The following CYP4B1 variants were observed in gnomAD, a reference collection of about 807,000 sequenced individuals.
CYP4B1 encodes the protein cytochrome P450 family 4 subfamily B member 1.
CYP4B1 carries 45 observed loss-of-function variants against 54.0 expected under a neutral mutation model. The observed-to-expected ratio is 0.83, with a 90% confidence interval of 0.66 to 1.07. The LOEUF is 1.07. Ranked by LOEUF, CYP4B1 falls within the 50% of genes least tolerant of loss-of-function variation. The pLI is 0.00. For missense variants in CYP4B1, 656 were observed against 655.4 expected (o/e 1.00, Z -0.01); for synonymous variants, 248 against 247.5 (o/e 1.00, Z -0.02).
intron 1 of CYP4B1, among the ~76,000 whole-genome samples, chr1:46,806,017 GAGACCC>G (rs1172636048): frequency 1.3e-5 from 2 of 152,236 alleles, no homozygotes; most frequent in African/African-American, 2.4e-5. Context: ...GTCCCAGAGG[GAGACCC>G]ATGGGGAAGG....
chr1:46,810,757 G>A, intron 1 of CYP4B1, 51 bp from the exon 2 acceptor site: 2 of 1,609,402 alleles, frequency 1.2e-6, no homozygotes, highest in Non-Finnish European at 1.7e-6. Flanking sequence ...TTGGGGCCTA[G>A]CTGGTGACAA....
intron 5 of CYP4B1, 32 bp from the exon 6 acceptor site, chr1:46,813,877 T>G: frequency 6.2e-7 from 1 of 1,609,170 alleles, no homozygotes; most frequent in Admixed American, 1.7e-5. Context: ...GGCCAGTGTC[T>G]AAGCCAATCC....
chr1:46,801,982 A>T (rs1271793321), intron 1 of CYP4B1, among the ~76,000 whole-genome samples: 1 of 152,184 alleles, frequency 6.6e-6, no homozygotes, highest in Non-Finnish European at 1.5e-5. Context: ...GTCTCTGATT[A>T]CAGTCTGGAG....
At chr1:46,815,567 C>T (rs767208917) in intron 8 of CYP4B1, among the ~76,000 whole-genome samples, 18 of 152,240 alleles carry the variant, frequency 1.2e-4, no homozygotes, top group Non-Finnish European at 2.4e-4. Flanking sequence ...CCTTCTGGGT[C>T]CCTGGATAGA....
intron 1 of CYP4B1, among the ~76,000 whole-genome samples, chr1:46,805,581 T>C (rs954805847): frequency 2.0e-5 from 3 of 152,230 alleles, no homozygotes; most frequent in Admixed American, 2.0e-4. Context: ...GTCACCAGCA[T>C]GGGAGGAAGT....
intron 3 of CYP4B1, among the ~76,000 whole-genome samples, chr1:46,811,776 T>C (rs570111644): frequency 6.6e-6 from 1 of 152,326 alleles, no homozygotes; most frequent in African/African-American, 2.4e-5. Context: ...CAAGGCCATA[T>C]GCTTCTCCAA....
chr1:46,818,773 C>T lies in CYP4B1; in HGVS notation c.1498C>T (p.His500Tyr). The change falls in exon 12 of 12, where the codon CAC becomes TAC. Residue 500 changes from histidine (H) to tyrosine (Y), a missense_variant. Coordinates refer to ENST00000371923, the MANE Select transcript of CYP4B1 (RefSeq NM_001099772.2). ...QLVLRSKNGF[H>Y]LHLKPLGPGS... Reference sequence around the variant, plus strand: ...TGTCCTGCGCTCCAAGAATGGCTTTCACCTCCACCTGAAGCCACTGGGCCC... The same window carrying T: ...TGTCCTGCGCTCCAAGAATGGCTTTTACCTCCACCTGAAGCCACTGGGCCC... 2 of 1,614,114 alleles carry T rather than the reference C, an allele frequency of 1.2e-6. No homozygotes were observed. Among genetic ancestry groups the T allele is most frequent in the South Asian group, 1.1e-5 (1 of 91,078 alleles).
chr1:46,818,951 T>C lies in CYP4B1; in HGVS notation c.*137T>C, dbSNP rs919609860. 2.3e-5 allele frequency: 16 copies of C among 689,038 alleles called. No individual in the cohort carries two copies. The African/African-American group carries it at 2.5e-4, about 11-fold the overall frequency. The allele number at this position is 689,038 out of a possible 1,614,324, so 42.7% of individuals were successfully genotyped here. On this transcript the variant is annotated 3_prime_UTR_variant, in exon 12 of 12. Transcript: ENST00000371923. The stretch of plus-strand genomic sequence containing the variant: ...TTTAGAAGGGAAGTAGGCATTACCA[T>C]AGACGACTCCTAGAGGACAGTGCTA...
chr1:46,818,847 G>C lies in CYP4B1; in HGVS notation c.*33G>C, dbSNP rs747130576. On this transcript the variant is annotated 3_prime_UTR_variant, in exon 12 of 12. Transcript: ENST00000371923. ...GAGAATGGGGTCCCAGATGGCTCAG[G>C]CTGTGACCTCCCTGGGCACCACCCT... The C allele has an allele frequency of 6.2e-7, 1 of 1,607,480 alleles. No individual in the cohort carries two copies. Among genetic ancestry groups the C allele is most frequent in the African/African-American group, 1.3e-5 (1 of 74,912 alleles).
chr1:46,810,434 C>A (rs1243625062), intron 1 of CYP4B1, among the ~76,000 whole-genome samples: 7 of 152,266 alleles, frequency 4.6e-5, no homozygotes, highest in African/African-American at 1.7e-4. Flanking sequence ...GGAATTGAGG[C>A]CATTTCTCTA....
rs1223551960 is a variant in CYP4B1, at chr1:46,819,410, C to T, written c.*596C>T. The T allele has an allele frequency of 6.6e-6, 1 of 152,288 alleles. No homozygotes were observed. The highest frequency in any genetic ancestry group is 1.9e-4 in the East Asian group (1 of 5,194). 9.4% of individuals were successfully genotyped at this position (152,288 alleles called of 1,614,324 possible). A position where few individuals can be genotyped will look rare whatever the true frequency, so the allele number is the denominator to read the frequency against. On this transcript the variant is annotated 3_prime_UTR_variant, in exon 12 of 12. Coordinates refer to ENST00000371923, the MANE Select transcript of CYP4B1 (RefSeq NM_001099772.2). ...GAATATGGTATCACTGATGTGTCTT[C>T]TGCTCCTCCTGAGATGGGTCTCTGT...
chr1:46,807,060 T>C (rs1678889810), intron 1 of CYP4B1, among the ~76,000 whole-genome samples: 1 of 152,246 alleles, frequency 6.6e-6, no homozygotes, highest in Non-Finnish European at 1.5e-5. Flanking sequence ...TGGCAGGTGC[T>C]TCTAGTTCTC....
chr1:46,807,741 G>A (rs188705495), intron 1 of CYP4B1, among the ~76,000 whole-genome samples: 5 of 152,286 alleles, frequency 3.3e-5, no homozygotes, highest in East Asian at 1.9e-4. Context: ...GATTACAGAC[G>A]ACTCCACAGA....
chr1:46,819,346 C>G lies in CYP4B1; in HGVS notation c.*532C>G, dbSNP rs1679467111. ...TACAAAATAATAAATAATTCTGAAG[C>G]AGACTCTCTTGTAACCATCACTGAA... is the stretch of plus-strand genomic sequence containing the variant. On this transcript the variant is annotated 3_prime_UTR_variant, in exon 12 of 12. Transcript: ENST00000371923. The G allele has an allele frequency of 6.6e-6, 1 of 152,644 alleles. No homozygotes were observed. Among genetic ancestry groups the G allele is most frequent in the Non-Finnish European group, 1.5e-5 (1 of 68,404 alleles). The allele number at this position is 152,644 out of a possible 1,614,324, so 9.5% of individuals were successfully genotyped here.
At chr1:46,808,133 G>C (rs1678933586) in intron 1 of CYP4B1, among the ~76,000 whole-genome samples, 1 of 152,024 alleles carries the variant, frequency 6.6e-6, no homozygotes, top group Admixed American at 6.6e-5. Flanking sequence ...AGGAGAAAGA[G>C]AGAGAGAGAG....
Position 46,812,501 on chromosome 1 carries a change from G to A in CYP4B1, c.373G>A (p.Gly125Ser). Residue 125 changes from glycine (G) to serine (S), a missense_variant, in exon 4 of 12, where the codon GGC becomes AGC. Coordinates refer to ENST00000371923, the MANE Select transcript of CYP4B1 (RefSeq NM_001099772.2). Reference sequence around the variant, plus strand: ...CTCTCCCATCCCTTCCCCAGGGAGAGGCCTGCTGGTTCTTGAGGGGCCCAA... The same window carrying A: ...CTCTCCCATCCCTTCCCCAGGGAGAAGCCTGCTGGTTCTTGAGGGGCCCAA... Reference protein sequence around the residue: ...YDFFLQWIGRGLLVLEGPKWL... With the variant: ...YDFFLQWIGRSLLVLEGPKWL... The A allele has an allele frequency of 6.2e-7, 1 of 1,612,828 alleles. No homozygotes were observed. Among genetic ancestry groups the A allele is most frequent in the Non-Finnish European group, 8.5e-7 (1 of 1,179,402 alleles).
chr1:46,815,211 TC>T lies in CYP4B1; in HGVS notation c.1021del (p.Arg341ValfsTer10), dbSNP rs1193432334. ...TGGCCCTGTACCCTGAGCACCAGCA[TC>T]GTTGTAGAGAGGAGGTCCGCGAGAT... Reference protein sequence around the residue: ...CMALYPEHQHRCREEVREILG... With the variant: ...CMALYPEHQHXCREEVREILG... On this transcript the variant is annotated frameshift_variant, in exon 8 of 12. Coordinates refer to ENST00000371923, the MANE Select transcript of CYP4B1 (RefSeq NM_001099772.2). LOFTEE classifies it high-confidence loss of function. The T allele has an allele frequency of 6.2e-7, 1 of 1,605,256 alleles. No homozygotes were observed. The highest frequency in any genetic ancestry group is 8.5e-7 in the Non-Finnish European group (1 of 1,175,260).
At chr1:46,801,413 A>C (rs1678657080) in intron 1 of CYP4B1, among the ~76,000 whole-genome samples, 1 of 152,098 alleles carries the variant, frequency 6.6e-6, no homozygotes, top group South Asian at 2.1e-4. Flanking sequence ...TCCATGTCAG[A>C]GCTGGCTGTT....
At chr1:46,801,687 G>C (rs1678668321) in intron 1 of CYP4B1, among the ~76,000 whole-genome samples, 1 of 152,192 alleles carries the variant, frequency 6.6e-6, no homozygotes, top group Non-Finnish European at 1.5e-5. Context: ...TTGAGAAATG[G>C]GTTGGGCAGA....
Sources: gnomAD v4.1 joint callset for allele counts (sites outside exome capture counted in the v4.1 genomes callset) on GRCh38, gnomAD v4.1.1 for gene constraint, MANE v1.5 for transcripts, NCBI Gene and HGNC (gene_info 2026-07-23, HGNC 2026-07-21) for gene names.